SHB: variants seen among roughly 807,000 people sequenced by gnomAD.
SHB encodes the protein SH2 domain containing adaptor protein B, also known as SH2 domain-containing adapter protein B.
In SHB, 20 loss-of-function variants were observed where a neutral mutation model predicts 52.3. The observed-to-expected ratio is 0.38, with a 90% confidence interval of 0.27 to 0.56. SHB has a LOEUF of 0.56. Ranked by LOEUF, SHB falls within the 20% of genes least tolerant of loss-of-function variation. SHB has a pLI of 0.71. For synonymous variants in SHB, 397 were observed against 316.5 expected (o/e 1.25, Z -2.70); for missense variants, 825 against 723.3 (o/e 1.14, Z -1.61).
At chr9:37,946,115 A>G (rs1479388859) in intron 5 of SHB, among the ~76,000 whole-genome samples, 1 of 152,208 alleles carries the variant, frequency 6.6e-6, no homozygotes, top group Non-Finnish European at 1.5e-5. Context: ...CGCAGTGCAC[A>G]GATGAGGACA....
At chr9:38,062,430 T>C (rs12351815) in intron 1 of SHB, among the ~76,000 whole-genome samples, 10,432 of 152,256 alleles carry the variant, frequency 0.069, 1,160 homozygotes, top group African/African-American at 0.23. Context: ...GCTGGCCTTA[T>C]GATTTGCTTT....
chr9:37,948,799 T>A, intron 4 of SHB, 45 bp from the exon 5 acceptor site: 1 of 1,610,362 alleles, frequency 6.2e-7, no homozygotes, highest in East Asian at 2.2e-5. Flanking sequence ...GCGATGGGAT[T>A]CCCATGGCCC....
At chr9:37,953,544 C>T (rs1057065232) in intron 4 of SHB, among the ~76,000 whole-genome samples, 17 of 152,098 alleles carry the variant, frequency 1.1e-4, no homozygotes, top group African/African-American at 3.6e-4. Flanking sequence ...TGGGGACAGA[C>T]CCTGAGCACT....
intron 2 of SHB, among the ~76,000 whole-genome samples, chr9:37,998,492 A>G (rs4878729): frequency 0.43 from 65,020 of 152,142 alleles, 14,289 homozygotes; most frequent in Middle Eastern, 0.51. Context: ...TGGCTCTGTC[A>G]CCTAGGCTGG....
At chr9:37,922,437 C>A (rs754024794) in intron 5 of SHB, among the ~76,000 whole-genome samples, 1 of 152,202 alleles carries the variant, frequency 6.6e-6, no homozygotes, top group Non-Finnish European at 1.5e-5. Context: ...GTCCTCTGTA[C>A]CTTGGCTGCC....
intron 3 of SHB, among the ~76,000 whole-genome samples, chr9:37,957,479 A>C (rs1227362877): frequency 1.3e-5 from 2 of 152,138 alleles, no homozygotes; most frequent in African/African-American, 4.8e-5. Flanking sequence ...TTCTCCATCA[A>C]CCACTTTGGA....
chr9:38,026,599 A>G (rs1196753587), intron 1 of SHB, among the ~76,000 whole-genome samples: 1 of 152,216 alleles, frequency 6.6e-6, no homozygotes, highest in South Asian at 2.1e-4. Context: ...GAGGGCTCCC[A>G]ATTACATTCC....
chr9:37,922,759 A>G (rs1159721678), intron 5 of SHB, among the ~76,000 whole-genome samples: 1 of 151,974 alleles, frequency 6.6e-6, no homozygotes, highest in African/African-American at 2.4e-5. Flanking sequence ...CAAGCACTGC[A>G]CCCCGTGGGT....
chr9:37,946,208 C>T (rs1832489513), intron 5 of SHB, among the ~76,000 whole-genome samples: 1 of 152,232 alleles, frequency 6.6e-6, no homozygotes, highest in Non-Finnish European at 1.5e-5. Flanking sequence ...CCTCTACCTT[C>T]CCCACCAAAC....
In SHB at chr9:37,917,585, T is replaced by G. The variant is rs1229021636; in HGVS notation, c.*2236A>C. 6.6e-6 allele frequency among the ~76,000 whole-genome samples: 1 copy of G among 152,136 alleles called. No individual in the cohort carries two copies. Among genetic ancestry groups the G allele is most frequent in the African/African-American group, 2.4e-5 (1 of 41,422 alleles). On this transcript the variant is annotated 3_prime_UTR_variant, in exon 6 of 6. Transcript: ENST00000377707. ...GGGTTGTTCCCCCTCTTCCTCAGCCTCTCTTGGGCCTCCTCTGAGAATAAG... is the reference window on the plus strand; with the variant it reads ...GGGTTGTTCCCCCTCTTCCTCAGCCGCTCTTGGGCCTCCTCTGAGAATAAG...
chr9:37,974,255 T>C (rs1215366252), intron 3 of SHB, among the ~76,000 whole-genome samples: 1 of 151,896 alleles, frequency 6.6e-6, no homozygotes, highest in African/African-American at 2.4e-5. Context: ...AAACTCTGTC[T>C]CAAAAATAAA....
At chr9:38,003,345 G>A (rs921556603) in intron 2 of SHB, among the ~76,000 whole-genome samples, 1 of 151,898 alleles carries the variant, frequency 6.6e-6, no homozygotes, top group Non-Finnish European at 1.5e-5. Context: ...TGAACCCTGG[G>A]GCTAGGCCAT....
At position 38,049,481 on chromosome 9, in the gene SHB, C is replaced by T. The variant is rs148907979; in HGVS notation, c.717+18448G>A. On this transcript the variant is annotated intron_variant, in intron 1 of 5. Transcript: ENST00000377707. The stretch of plus-strand genomic sequence containing the variant: ...CAAAAATTGGCTGGGTGCGGTGAGG[C>T]GCGCCTGTAATCCCAGCTACTTGGG... 2.6e-3 allele frequency among the ~76,000 whole-genome samples: 389 copies of T among 152,060 alleles called. 1 individual carries two copies. The highest frequency in any genetic ancestry group is 0.014 in the South Asian group (67 of 4,820).
chr9:38,028,166 G>A (rs1405797473), intron 1 of SHB, among the ~76,000 whole-genome samples: 1 of 152,074 alleles, frequency 6.6e-6, no homozygotes, highest in African/African-American at 2.4e-5. Flanking sequence ...CTAGGGCCCT[G>A]TCCCAGAGAC....
chr9:38,002,968 C>T (rs544302369), intron 2 of SHB, among the ~76,000 whole-genome samples: 34 of 152,248 alleles, frequency 2.2e-4, no homozygotes, highest in African/African-American at 3.9e-4. Flanking sequence ...TTTATTAGTA[C>T]GGAGCCTTGG....
intron 1 of SHB, among the ~76,000 whole-genome samples, chr9:38,035,086 C>T (rs1821467832): frequency 6.6e-6 from 1 of 151,894 alleles, no homozygotes; most frequent in Non-Finnish European, 1.5e-5. Flanking sequence ...TTGAAGGGAC[C>T]GAGGGGTATC....
At position 38,069,226 on chromosome 9, in the gene SHB, C is replaced by T. The variant is rs1822027413; in HGVS notation, c.-581G>A. 1 of 149,088 alleles carries T rather than the reference C, an allele frequency of 6.7e-6. No individual in the cohort carries two copies. Among genetic ancestry groups the T allele is most frequent in the African/African-American group, 2.5e-5 (1 of 40,686 alleles). The allele number at this position is 149,088 out of a possible 1,614,324, so 9.2% of individuals were successfully genotyped here. A position where few individuals can be genotyped will look rare whatever the true frequency, so the allele number is the denominator to read the frequency against. On this transcript the variant is annotated 5_prime_UTR_variant, in exon 1 of 6. The change creates a new upstream start codon in the 5' untranslated region. Coordinates refer to ENST00000377707, the MANE Select transcript of SHB (RefSeq NM_003028.3). ...GTCCCGGCGGCGCCTGTCGCTGCCA[C>T]TGCCGCCGCCTCCCGAGCCGCCGCG...
chr9:38,041,799 C>G (rs950192551), intron 1 of SHB, among the ~76,000 whole-genome samples: 2 of 152,074 alleles, frequency 1.3e-5, no homozygotes, highest in Admixed American at 6.6e-5. Context: ...ACTGAATGCC[C>G]GAAGCACAAG....
At chr9:37,930,492 C>T (rs1832300774) in intron 5 of SHB, among the ~76,000 whole-genome samples, 4 of 152,210 alleles carry the variant, frequency 2.6e-5, no homozygotes, top group Admixed American at 6.5e-5. Context: ...TTTCTCATCC[C>T]GAGTCACCCC....
Sources: allele counts gnomAD v4.1 joint callset (sites outside exome capture counted in the v4.1 genomes callset), GRCh38; gene constraint gnomAD v4.1.1; transcripts MANE v1.5; gene names NCBI Gene and HGNC (gene_info 2026-07-23, HGNC 2026-07-21).